HHLA1: variants seen among roughly 807,000 people sequenced by gnomAD.
HHLA1 encodes HHLA1 neighbor of OC90.
In HHLA1, 72 loss-of-function variants were observed where a neutral mutation model predicts 69.9. That is an observed-to-expected ratio of 1.03 (90% confidence interval 0.85 to 1.25). The LOEUF is 1.25. Ranked by LOEUF, HHLA1 falls within the 50% of genes most tolerant of loss-of-function variation. The pLI is 0.00. For synonymous variants in HHLA1, 252 were observed against 233.2 expected, an observed-to-expected ratio of 1.08 and a Z score of -0.73; for missense variants, 685 against 642.2, an observed-to-expected ratio of 1.07 and a Z score of -0.72.
intron 8 of HHLA1, among the ~76,000 whole-genome samples, chr8:132,089,260 C>T (rs1007121971): frequency 1.3e-5 from 2 of 152,160 alleles, no homozygotes; most frequent in African/African-American, 2.4e-5. Context: ...CTTGAGTCTG[C>T]CTACGTTCCT....
At chr8:132,073,343 A>G (rs1823580911) in intron 14 of HHLA1, among the ~76,000 whole-genome samples, 1 of 152,162 alleles carries the variant, frequency 6.6e-6, no homozygotes, top group South Asian at 2.1e-4. Flanking sequence ...TTAAGAAGGT[A>G]GAAAGAAAAT....
intron 14 of HHLA1, among the ~76,000 whole-genome samples, chr8:132,073,211 TCA>T (rs1284645218): frequency 5.3e-5 from 8 of 152,190 alleles, no homozygotes; most frequent in African/African-American, 1.9e-4. Flanking sequence ...ACTCCTGGGC[TCA>T]TGTAATTCTC....
chr8:132,083,654 G>A (rs1823802121), intron 10 of HHLA1, among the ~76,000 whole-genome samples: 1 of 152,164 alleles, frequency 6.6e-6, no homozygotes, highest in Non-Finnish European at 1.5e-5. Context: ...AGGAATCCCA[G>A]GCTGCGGGCA....
chr8:132,082,948 A>G (rs1463721453), intron 10 of HHLA1, among the ~76,000 whole-genome samples: 2 of 151,632 alleles, frequency 1.3e-5, no homozygotes, highest in Non-Finnish European at 2.9e-5. Context: ...AACAGGCTTT[A>G]ATCTTTTTAA....
chr8:132,110,619 C>A (rs1824280566), intron 1 of HHLA1, among the ~76,000 whole-genome samples: 1 of 152,148 alleles, frequency 6.6e-6, no homozygotes, highest in Non-Finnish European at 1.5e-5. Flanking sequence ...AAACATAAGG[C>A]CCAAGGGAAT....
rs1425884316 is a variant in HHLA1 at position 132,096,643 on chromosome 8, T to A, written c.281-857A>T. Among the ~76,000 whole-genome samples the A allele has an allele frequency of 3.9e-5, 6 of 152,238 alleles. No homozygotes were observed. In the South Asian group the frequency reaches 1.0e-3, roughly 26 times the overall value. On this transcript the variant is annotated intron_variant, in intron 5 of 16. Transcript: ENST00000414222. ...AGCACAGTGCAGCAGAGGGAGATCT[T>A]TCCAGACCTGGTCTGAGAATCACCC... is the stretch of plus-strand genomic sequence containing the variant.
chr8:132,080,312 C>T (rs528162643), intron 10 of HHLA1: 3 of 365,840 alleles, frequency 8.2e-6, no homozygotes, highest in South Asian at 6.2e-5. Flanking sequence ...CACCTGGGTG[C>T]AGGCGGGCTG....
chr8:132,083,154 G>A (rs542351165), intron 10 of HHLA1, among the ~76,000 whole-genome samples: 1 of 152,134 alleles, frequency 6.6e-6, no homozygotes, highest in East Asian at 1.9e-4. Context: ...ATGAGATATA[G>A]CTGTAGTCCA....
At chr8:132,093,901 G>T (rs1280187650) in intron 7 of HHLA1, among the ~76,000 whole-genome samples, 2 of 152,038 alleles carry the variant, frequency 1.3e-5, no homozygotes, top group Non-Finnish European at 1.5e-5. Context: ...TAAGATAATA[G>T]ACATTAAGCA....
chr8:132,097,296 G>T (rs908158585), intron 5 of HHLA1, among the ~76,000 whole-genome samples: 1 of 152,210 alleles, frequency 6.6e-6, no homozygotes, highest in Non-Finnish European at 1.5e-5. Flanking sequence ...AGAATCTCCA[G>T]AGCAGGAACC....
Position 132,100,555 on chromosome 8 carries a change from G to A in HHLA1, c.140-421C>T, listed in dbSNP as rs201740848. ...CTTGCCTACTTAACAAATTTCATGC[G>A]ACCAAAGGAGAAAATGTCAAAGAAA... On this transcript the variant is annotated intron_variant, in intron 3 of 16. Transcript: ENST00000414222. Among the ~76,000 whole-genome samples, 8 of 152,220 alleles carry A rather than the reference G, an allele frequency of 5.3e-5. No individual in the cohort carries two copies. In the East Asian group the frequency reaches 5.8e-4, roughly 11 times the overall value.
At chr8:132,104,550 G>A (rs1320904025) in intron 2 of HHLA1, among the ~76,000 whole-genome samples, 1 of 152,168 alleles carries the variant, frequency 6.6e-6, no homozygotes, top group African/African-American at 2.4e-5. Flanking sequence ...AGAATGAATA[G>A]CATTTGAGTA....
rs370991805 is a variant in HHLA1 at position 132,105,207 on chromosome 8, A to G, written c.59T>C (p.Val20Ala). The change falls in exon 2 of 17, where the codon GTC becomes GCC. Residue 20 changes from valine to alanine, a missense_variant. Transcript: ENST00000414222. ...CCCACCTGTGTTCCAAAGGGACAAG[A>G]CACATGCCAGGCCCATGCACAGCTT... ...SMKLCMGLAC[V>A]LSLWNTVSGI... is the part of the protein sequence containing the mutation. The G allele has an allele frequency of 5.4e-5, 84 of 1,552,074 alleles. 1 individual carries two copies. In the African/African-American group the frequency reaches 1.1e-3, roughly 19 times the overall value.
chr8:132,096,669 A>G (rs1389929358), intron 5 of HHLA1, among the ~76,000 whole-genome samples: 1 of 152,128 alleles, frequency 6.6e-6, no homozygotes, highest in African/African-American at 2.4e-5. Context: ...AGAATCACCC[A>G]CCTGCATCAA....
chr8:132,105,395 T>C (rs1459244809), intron 1 of HHLA1, 109 bp from the exon 2 acceptor site: 1 of 757,434 alleles, frequency 1.3e-6, no homozygotes, highest in Non-Finnish European at 2.3e-6. Context: ...AAAGGCTTTG[T>C]ACTAGGTTAG....
chr8:132,105,160 C>A (rs1185233543), intron 2 of HHLA1, 27 bp downstream of exon 2: 1 of 1,504,722 alleles, frequency 6.6e-7, no homozygotes, highest in Non-Finnish European at 9.1e-7. Context: ...ACAGAACAGA[C>A]ACTTGCAGAA....
At chr8:132,097,777 T>C (rs1043954977) in intron 5 of HHLA1, among the ~76,000 whole-genome samples, 4 of 152,186 alleles carry the variant, frequency 2.6e-5, no homozygotes, top group African/African-American at 9.7e-5. Flanking sequence ...GCAGGAGCTA[T>C]ATCTCTGTAA....
chr8:132,100,221 G>T, intron 3 of HHLA1, 87 bp from the exon 4 acceptor site: 1 of 945,100 alleles, frequency 1.1e-6, no homozygotes, highest in Non-Finnish European at 1.7e-6. Context: ...AGCCTCTTTG[G>T]CCTCTGCTCT....
chr8:132,087,553 G>A, intron 10 of HHLA1, 100 bp downstream of exon 10: 1 of 715,648 alleles, frequency 1.4e-6, no homozygotes, highest in East Asian at 2.7e-5. Context: ...ATACAGTATA[G>A]CGAAACACAA....
Sources: allele counts gnomAD v4.1 joint callset (sites outside exome capture counted in the v4.1 genomes callset), GRCh38; gene constraint gnomAD v4.1.1; transcripts MANE v1.5; gene names NCBI Gene and HGNC (gene_info 2026-07-23, HGNC 2026-07-21).